Variants in GPC5 observed in about 807,000 individuals in gnomAD.
GPC5 encodes the protein glypican 5.
A neutral mutation model predicts 53.9 loss-of-function variants in GPC5; 47 were observed. The ratio of observed to expected loss-of-function variants is 0.87; its 90% CI spans 0.69 to 1.11. GPC5 has a LOEUF of 1.11. Ranked by LOEUF, GPC5 falls within the 50% of genes most tolerant of loss-of-function variation. The pLI, the probability that GPC5 is intolerant of heterozygous loss-of-function variation, is 0.00. For missense variants in GPC5, 748 were observed against 713.1 expected, an observed-to-expected ratio of 1.05 and a Z score of -0.56; for synonymous variants, 286 against 263.3, an observed-to-expected ratio of 1.09 and a Z score of -0.84.
intron 7 of GPC5, among the ~76,000 whole-genome samples, chr13:92,669,938 C>T (rs776015861): frequency 5.3e-5 from 8 of 152,096 alleles, no homozygotes; most frequent in East Asian, 3.9e-4. Context: ...TGTTATTTGC[C>T]GTCACACAAT....
Position 92,569,533 on chromosome 13 carries a change from T to G in GPC5, c.1562-296749T>G, listed in dbSNP as rs1347989215. ...AATCTTTGCCTCATCTTAGAATGTC[T>G]TGTCTGTGCTAAATAAAATTGCCAG... On this transcript the variant is annotated intron_variant, in intron 7 of 7. Coordinates refer to ENST00000377067, the MANE Select transcript of GPC5 (RefSeq NM_004466.6). 2.0e-5 allele frequency among the ~76,000 whole-genome samples: 3 copies of G among 152,136 alleles called. No individual in the cohort carries two copies. The East Asian group carries it at 5.8e-4, about 29-fold the overall frequency.
At chr13:92,257,144 C>T (rs2042731968) in intron 7 of GPC5, among the ~76,000 whole-genome samples, 1 of 152,108 alleles carries the variant, frequency 6.6e-6, no homozygotes, top group South Asian at 2.1e-4. Flanking sequence ...GGATATTTAA[C>T]TTCAGGTAAA....
At chr13:92,281,127 C>T (rs985998009) in intron 7 of GPC5, among the ~76,000 whole-genome samples, 10 of 152,202 alleles carry the variant, frequency 6.6e-5, no homozygotes, top group East Asian at 1.9e-4. Flanking sequence ...GAGGGTCCCA[C>T]GCCCACGGAG....
rs1463615025 is a variant in GPC5, at chr13:92,381,859, T to TA, written c.1561+236870_1561+236871insA. On this transcript the variant is annotated intron_variant, in intron 7 of 7. Coordinates refer to ENST00000377067, the MANE Select transcript of GPC5 (RefSeq NM_004466.6). ...TTATATTGTATATGATCATATATGA[T>TA]TATATATATCATATATATGATTATA... 3.0e-5 allele frequency among the ~76,000 whole-genome samples: 4 copies of TA among 135,572 alleles called. 1 individual carries two copies. The highest frequency in any genetic ancestry group is 4.7e-5 in the Non-Finnish European group (3 of 64,364). The allele number at this position is 135,572 out of a possible 152,430, so 88.9% of individuals were successfully genotyped here.
intron 2 of GPC5, among the ~76,000 whole-genome samples, chr13:91,655,331 T>C (rs902224389): frequency 2.0e-5 from 3 of 152,014 alleles, no homozygotes; most frequent in Non-Finnish European, 4.4e-5. Flanking sequence ...ATACTAAAAT[T>C]TGTGAACAAT....
intron 7 of GPC5, among the ~76,000 whole-genome samples, chr13:92,317,373 T>A (rs988966990): frequency 2.6e-5 from 4 of 152,206 alleles, no homozygotes; most frequent in Non-Finnish European, 5.9e-5. Context: ...TCAAAGTTAT[T>A]CAAAGCTTTC....
At chr13:92,120,648 T>A (rs1264846661) in intron 6 of GPC5, among the ~76,000 whole-genome samples, 1 of 152,230 alleles carries the variant, frequency 6.6e-6, no homozygotes, top group Non-Finnish European at 1.5e-5. Flanking sequence ...TAGTATATCA[T>A]TTTCTTTCTA....
chr13:92,560,303 G>A (rs575489110), intron 7 of GPC5, among the ~76,000 whole-genome samples: 12 of 152,074 alleles, frequency 7.9e-5, no homozygotes, highest in Non-Finnish European at 1.5e-4. Flanking sequence ...TGGTGACAAC[G>A]TCACAGAACC....
intron 7 of GPC5, among the ~76,000 whole-genome samples, chr13:92,662,248 A>G (rs1253915754): frequency 2.0e-5 from 3 of 151,990 alleles, no homozygotes; most frequent in African/African-American, 7.2e-5. Context: ...CTTTCCCTTT[A>G]TCTCACAAAT....
At chr13:91,935,419 A>G (rs1476388108) in intron 6 of GPC5, among the ~76,000 whole-genome samples, 1 of 152,012 alleles carries the variant, frequency 6.6e-6, no homozygotes, top group Non-Finnish European at 1.5e-5. Flanking sequence ...GAGAGCTACT[A>G]GTTCCTTCCA....
chr13:91,804,597 G>A (rs1037809289), intron 5 of GPC5, among the ~76,000 whole-genome samples: 2 of 152,188 alleles, frequency 1.3e-5, no homozygotes, highest in Non-Finnish European at 2.9e-5. Flanking sequence ...AACAGAGAGA[G>A]GGAGAGAGAG....
intron 2 of GPC5, among the ~76,000 whole-genome samples, chr13:91,469,261 A>G (rs1224516159): frequency 2.0e-5 from 3 of 151,848 alleles, no homozygotes; most frequent in African/African-American, 7.3e-5. Flanking sequence ...GACATGCACC[A>G]CCATGTCCAG....
intron 7 of GPC5, among the ~76,000 whole-genome samples, chr13:92,721,843 CAAGGAAAA>C (rs1217575257): frequency 1.3e-5 from 2 of 151,830 alleles, no homozygotes; most frequent in African/African-American, 4.8e-5. Flanking sequence ...TTTAATGAGG[CAAGGAAAA>C]AACCTGTATG....
intron 7 of GPC5, among the ~76,000 whole-genome samples, chr13:92,439,288 A>G (rs1304556692): frequency 6.6e-6 from 1 of 152,190 alleles, no homozygotes; most frequent in East Asian, 1.9e-4. Flanking sequence ...AGTAGTCAAC[A>G]TTTTCAAATG....
intron 7 of GPC5, among the ~76,000 whole-genome samples, chr13:92,807,587 C>A (rs147978487): frequency 2.6e-5 from 4 of 152,070 alleles, no homozygotes; most frequent in Non-Finnish European, 5.9e-5. Context: ...GTAAAGCAAC[C>A]GCGTTTGTTT....
intron 5 of GPC5, among the ~76,000 whole-genome samples, chr13:91,833,309 A>G (rs1274927918): frequency 6.6e-6 from 1 of 152,188 alleles, no homozygotes. Flanking sequence ...GAATTCTACC[A>G]GAGGTACAAA....
At chr13:92,628,264 C>CTGTTTTTTTTTTTTTTTTTTTTT (rs1885114961) in intron 7 of GPC5, among the ~76,000 whole-genome samples, 1 of 45,338 alleles carries the variant, frequency 2.2e-5, no homozygotes, top group Admixed American at 2.8e-4. Context: ...CTTTTTCTTT[C>CTGTTTTTTTTTTTTTTTTTTTTT]TTTTTTTTTT....
intron 6 of GPC5, among the ~76,000 whole-genome samples, chr13:92,094,459 T>C (rs1280998051): frequency 1.4e-5 from 2 of 140,098 alleles, no homozygotes; most frequent in African/African-American, 2.7e-5. Flanking sequence ...AGGCGGAGCT[T>C]GCAGTGAGCC....
At chr13:92,285,258 A>G (rs1168298074) in intron 7 of GPC5, among the ~76,000 whole-genome samples, 1 of 152,220 alleles carries the variant, frequency 6.6e-6, no homozygotes, top group African/African-American at 2.4e-5. Flanking sequence ...AAGAAATGGA[A>G]GAACATTCCA....
Sources: allele counts gnomAD v4.1 joint callset (sites outside exome capture counted in the v4.1 genomes callset), GRCh38; gene constraint gnomAD v4.1.1; transcripts MANE v1.5; gene names NCBI Gene and HGNC (gene_info 2026-07-23, HGNC 2026-07-21).